The following KDM4B variants were observed in gnomAD, a reference collection of about 807,000 sequenced individuals.
The protein encoded by KDM4B is lysine demethylase 4B, also known as lysine-specific demethylase 4B.
KDM4B carries 32 observed loss-of-function variants against 125.2 expected under a neutral mutation model. The observed-to-expected ratio is 0.26, with a 90% confidence interval of 0.19 to 0.34. The LOEUF (loss-of-function observed/expected upper bound fraction) is 0.34. Among genes scored for constraint, KDM4B ranks in the 10% least tolerant of loss-of-function variants. The pLI, the probability that KDM4B is intolerant of heterozygous loss-of-function variation, is 1.00. For missense variants in KDM4B, 1,190 were observed against 1,577.7 expected, an observed-to-expected ratio of 0.75 and a Z score of 4.16; for synonymous variants, 721 against 677.9, an observed-to-expected ratio of 1.06 and a Z score of -0.99.
intron 1 of KDM4B, among the ~76,000 whole-genome samples, chr19:4,978,361 G>A (rs2034521601): frequency 6.6e-6 from 1 of 151,760 alleles, no homozygotes; most frequent in Non-Finnish European, 1.5e-5. Context: ...GCAAAACTTA[G>A]CCGGGCGCGG....
chr19:5,047,405 G>A (rs991768792), intron 5 of KDM4B, 71 bp from the exon 6 acceptor site: 1 of 1,423,682 alleles, frequency 7.0e-7, no homozygotes, highest in Non-Finnish European at 9.6e-7. Context: ...GGGAGAATTA[G>A]CCTGCACCCC....
rs574205121 is a variant in KDM4B at position 5,142,900 on chromosome 19, G to A, written c.2551-1067G>A. 6.6e-6 allele frequency among the ~76,000 whole-genome samples: 1 copy of A among 152,240 alleles called. No individual in the cohort carries two copies. The highest frequency in any genetic ancestry group is 1.9e-4 in the East Asian group (1 of 5,176). ...TATTAAATGCTTAGCTGGGCCTGGC[G>A]TGGGTGTGGCGGCCGCCAGGGCCCC... is the stretch of plus-strand genomic sequence containing the variant. On this transcript the variant is annotated intron_variant, in intron 18 of 22. Coordinates refer to ENST00000159111, the MANE Select transcript of KDM4B (RefSeq NM_015015.3). This position sits in a 1 kb window ranked among gnomAD's most constrained non-coding sequence, Gnocchi z 5.4.
At chr19:4,972,739 T>C (rs911620941) in intron 1 of KDM4B, among the ~76,000 whole-genome samples, 7 of 152,198 alleles carry the variant, frequency 4.6e-5, no homozygotes, top group African/African-American at 1.7e-4. Context: ...ACTCACCCTT[T>C]AGCAGTGAGT....
At chr19:5,047,793 T>C in intron 6 of KDM4B, 124 bp downstream of exon 6, 1 of 922,760 alleles carries the variant, frequency 1.1e-6, no homozygotes, top group Non-Finnish European at 1.6e-6. Flanking sequence ...AAGGTCGGCC[T>C]ATGACGGCTG....
At chr19:5,107,789 C>T (rs1031265485) in intron 9 of KDM4B, among the ~76,000 whole-genome samples, 4 of 152,348 alleles carry the variant, frequency 2.6e-5, no homozygotes, top group Admixed American at 6.5e-5. Flanking sequence ...CTCTCCCACA[C>T]TGTGGCCCTG....
chr19:4,970,734 G>A (rs2034228481), intron 1 of KDM4B, among the ~76,000 whole-genome samples: 1 of 100,440 alleles, frequency 1.0e-5, no homozygotes, highest in African/African-American at 3.0e-5. Flanking sequence ...TTCTCCTGCA[G>A]CCCCTGCTGA....
intron 2 of KDM4B, among the ~76,000 whole-genome samples, chr19:5,017,587 G>A (rs923760517): frequency 6.6e-6 from 1 of 152,154 alleles, no homozygotes; most frequent in African/African-American, 2.4e-5. Context: ...AGGTCTGTCT[G>A]TGCCTCCTGA....
At position 5,135,484 on chromosome 19, in the gene KDM4B, C is replaced by T. The variant is rs2039632340; in HGVS notation, c.2231C>T (p.Pro744Leu). 1.4e-5 allele frequency: 23 copies of T among 1,613,074 alleles called. No homozygotes were observed. The highest frequency in any genetic ancestry group is 1.7e-5 in the Non-Finnish European group (20 of 1,179,886). The change falls in exon 15 of 23, where the codon CCT becomes CTT. Residue 744 changes from proline to leucine, a missense_variant. Physicochemically the swap from Pro to Leu is moderately conservative, Grantham distance 98 (BLOSUM62 -3). Transcript: ENST00000159111. ...GGCGGTGAGAACACGGAGCCGCTGC[C>T]TGCCAACTCCTACATCGGCGACGAC... ...TSGGENTEPL[P>L]ANSYIGDDGT...
At chr19:5,002,465 C>A (rs972777654) in intron 1 of KDM4B, among the ~76,000 whole-genome samples, 3 of 151,048 alleles carry the variant, frequency 2.0e-5, no homozygotes, top group Admixed American at 1.3e-4. Flanking sequence ...CCTTTCCTTT[C>A]CTTTCCTTTC....
At chr19:4,991,778 C>A (rs1018893532) in intron 1 of KDM4B, among the ~76,000 whole-genome samples, 6 of 152,146 alleles carry the variant, frequency 3.9e-5, no homozygotes, top group African/African-American at 1.4e-4. Context: ...ACCCCCAGGC[C>A]CTGGCGACGG....
chr19:5,043,648 C>T (rs552737075), intron 5 of KDM4B, among the ~76,000 whole-genome samples: 28 of 137,128 alleles, frequency 2.0e-4, no homozygotes, highest in African/African-American at 8.0e-4. Flanking sequence ...CCATATCCTG[C>T]GTGGTGTTTA....
intron 3 of KDM4B, among the ~76,000 whole-genome samples, chr19:5,038,868 T>C (rs528370873): frequency 1.2e-4 from 19 of 152,356 alleles, no homozygotes; most frequent in African/African-American, 4.3e-4. Flanking sequence ...TCACCCTCCC[T>C]GCGCCTGCAC....
At chr19:5,028,605 T>A (rs551416088) in intron 2 of KDM4B, among the ~76,000 whole-genome samples, 1 of 152,326 alleles carries the variant, frequency 6.6e-6, no homozygotes, top group Admixed American at 6.5e-5. Context: ...GGAGTGGAAT[T>A]GCTGGGTCAA....
At chr19:4,977,223 G>A (rs1330061736) in intron 1 of KDM4B, among the ~76,000 whole-genome samples, 1 of 152,204 alleles carries the variant, frequency 6.6e-6, no homozygotes, top group Non-Finnish European at 1.5e-5. Flanking sequence ...CGGTGGCCGA[G>A]CGCGAAGTTG....
At chr19:5,022,734 C>G (rs1035325776) in intron 2 of KDM4B, among the ~76,000 whole-genome samples, 2 of 152,048 alleles carry the variant, frequency 1.3e-5, no homozygotes, top group Admixed American at 6.6e-5. Context: ...ACTCCCTTGT[C>G]TGATTTTCTG....
intron 2 of KDM4B, among the ~76,000 whole-genome samples, chr19:5,017,130 G>GC (rs2035917669): frequency 6.6e-6 from 1 of 152,184 alleles, no homozygotes; most frequent in Non-Finnish European, 1.5e-5. Context: ...CCCATCCAGG[G>GC]CCCCCTGTAG....
At position 5,082,248 on chromosome 19, in the gene KDM4B, T is replaced by C. The variant is rs986006261; in HGVS notation, c.781-119T>C. The C allele has an allele frequency of 8.1e-7, 1 of 1,241,654 alleles. No individual in the cohort carries two copies. The allele number at this position is 1,241,654 out of a possible 1,614,324, so 76.9% of individuals were successfully genotyped here. A position where few individuals can be genotyped will look rare whatever the true frequency, so the allele number is the denominator to read the frequency against. On this transcript the variant is annotated intron_variant, in intron 8 of 22. Transcript: ENST00000159111. The surrounding 1 kb of genome is among the most constrained non-coding windows in gnomAD (Gnocchi z 5.4). ...GGAGCCGCTGGATCACCTTTGACTT[T>C]GTGAAACCCCCTTGGCTCATAAGCC...
chr19:5,035,878 TGTGC>T lies in KDM4B; in HGVS notation c.141+2849_141+2852del, dbSNP rs2036602519. 1.0e-5 allele frequency among the ~76,000 whole-genome samples: 1 copy of T among 96,914 alleles called. No individual in the cohort carries two copies. The highest frequency in any genetic ancestry group is 3.2e-5 in the African/African-American group (1 of 31,718). The allele number at this position is 96,914 out of a possible 152,430, so 63.6% of individuals were successfully genotyped here. A position where few individuals can be genotyped will look rare whatever the true frequency, so the allele number is the denominator to read the frequency against. Reference sequence around the variant, plus strand: ...GCACGTGTCTCTGTGTGTGTGTGTGTGTGCGCGCGCGCGCGCGCCTGCGCGCACA... The same window carrying T: ...GCACGTGTCTCTGTGTGTGTGTGTGTGCGCGCGCGCGCGCCTGCGCGCACA... On this transcript the variant is annotated intron_variant, in intron 3 of 22. Coordinates refer to ENST00000159111, the MANE Select transcript of KDM4B (RefSeq NM_015015.3). This position sits in a 1 kb window ranked among gnomAD's most constrained non-coding sequence, Gnocchi z 5.3.
In KDM4B at chr19:5,147,613, C is replaced by T. The variant is rs542058645; in HGVS notation, c.3021+2711C>T. On this transcript the variant is annotated intron_variant, in intron 21 of 22. Coordinates refer to ENST00000159111, the MANE Select transcript of KDM4B (RefSeq NM_015015.3). ...ACAAAATTAGCTGGGCATGGTGGCA[C>T]GCACCTTTAGTCCCAGCTACTTGGG... Among the ~76,000 whole-genome samples the T allele has an allele frequency of 1.2e-3, 186 of 151,968 alleles. 1 individual carries two copies. Among genetic ancestry groups the T allele is most frequent in the African/African-American group, 4.2e-3 (174 of 41,424 alleles).
Sources: allele counts gnomAD v4.1 joint callset (sites outside exome capture counted in the v4.1 genomes callset), GRCh38; gene constraint gnomAD v4.1.1; non-coding constraint Gnocchi (gnomAD v3.1); transcripts MANE v1.5; gene names NCBI Gene and HGNC (gene_info 2026-07-23, HGNC 2026-07-21).